FHIT: variants seen among roughly 807,000 people sequenced by gnomAD.
FHIT encodes the protein bis(5'-adenosyl)-triphosphatase.
In FHIT, 19 loss-of-function variants were observed where a neutral mutation model predicts 17.9. The ratio of observed to expected loss-of-function variants is 1.06; its 90% CI spans 0.74 to 1.56. The LOEUF is 1.56. FHIT is among the 40% of genes most tolerant of loss of function. The pLI is 0.00. For synonymous variants in FHIT, 81 were observed against 69.7 expected (o/e 1.16, Z -0.81); for missense variants, 248 against 189.2 (o/e 1.31, Z -1.82).
rs187756974 is a variant in FHIT, at chr3:60,746,332, A to G, written c.-18+75587T>C. Among the ~76,000 whole-genome samples, 51 of 152,342 alleles carry G rather than the reference A, an allele frequency of 3.3e-4. 1 individual carries two copies. The East Asian group carries it at 9.1e-3, about 27-fold the overall frequency. On this transcript the variant is annotated intron_variant, in intron 4 of 9. Coordinates refer to ENST00000492590, the MANE Select transcript of FHIT (RefSeq NM_002012.4). ...TATGATTCAAGATTTGGGAGAGATA[A>G]TTGAAGGAGGTGGGGTGGGAAACGT...
chr3:61,018,224 A>G (rs1481987974), intron 3 of FHIT, among the ~76,000 whole-genome samples: 4 of 152,188 alleles, frequency 2.6e-5, no homozygotes, highest in African/African-American at 9.6e-5. Context: ...GTACTTTAAA[A>G]CATGTCTGTC....
At chr3:61,050,700 A>T (rs2106648103) in intron 2 of FHIT, among the ~76,000 whole-genome samples, 1 of 152,342 alleles carries the variant, frequency 6.6e-6, no homozygotes, top group South Asian at 2.1e-4. Context: ...GATATTGATA[A>T]TTATTAAAGC....
At chr3:60,314,655 A>G (rs1378984310) in intron 5 of FHIT, among the ~76,000 whole-genome samples, 5 of 152,208 alleles carry the variant, frequency 3.3e-5, no homozygotes, top group Middle Eastern at 3.2e-3. Context: ...AAAACTTTCT[A>G]ACTGAGATAT....
At chr3:60,006,136 C>T (rs1575865590) in intron 7 of FHIT, among the ~76,000 whole-genome samples, 2 of 152,126 alleles carry the variant, frequency 1.3e-5, no homozygotes, top group Non-Finnish European at 2.9e-5. Context: ...GCGACTTACT[C>T]GTGATCATCT....
chr3:61,187,135 G>A (rs1171861732), intron 2 of FHIT, among the ~76,000 whole-genome samples: 1 of 152,152 alleles, frequency 6.6e-6, no homozygotes, highest in African/African-American at 2.4e-5. Context: ...CAGTCATGTA[G>A]GTGAGTGCAT....
At chr3:60,647,133 A>G (rs1006869260) in intron 4 of FHIT, among the ~76,000 whole-genome samples, 6 of 152,180 alleles carry the variant, frequency 3.9e-5, no homozygotes, top group Non-Finnish European at 1.5e-5. Context: ...AGCAATGAAC[A>G]CTAGGAAAAC....
chr3:60,013,994 T>G lies in FHIT; in HGVS notation c.249+13A>C, dbSNP rs112732533. 1 of 1,613,084 alleles carries G rather than the reference T, an allele frequency of 6.2e-7. No homozygotes were observed. ...GGGAAGAAAAATCATTTCTGAGAAATCTGTACACTCACCTGCATGGAAAAG... is the reference window on the plus strand; with the variant it reads ...GGGAAGAAAAATCATTTCTGAGAAAGCTGTACACTCACCTGCATGGAAAAG... On this transcript the variant is annotated intron_variant, in intron 6 of 9. Coordinates refer to ENST00000492590, the MANE Select transcript of FHIT (RefSeq NM_002012.4).
chr3:60,329,879 G>C (rs976906026), intron 5 of FHIT, among the ~76,000 whole-genome samples: 2 of 152,122 alleles, frequency 1.3e-5, no homozygotes, highest in African/African-American at 4.8e-5. Context: ...TATTTCTACA[G>C]AACTTTGAAA....
intron 4 of FHIT, among the ~76,000 whole-genome samples, chr3:60,659,503 T>C (rs1377466544): frequency 2.0e-5 from 3 of 152,174 alleles, no homozygotes; most frequent in Non-Finnish European, 2.9e-5. Flanking sequence ...TTCCTTGTCC[T>C]ATCTTCAAGT....
At chr3:61,007,723 C>T (rs2031545073) in intron 3 of FHIT, among the ~76,000 whole-genome samples, 1 of 152,174 alleles carries the variant, frequency 6.6e-6, no homozygotes, top group Non-Finnish European at 1.5e-5. Flanking sequence ...TGTTGATGTT[C>T]CACTCAGATC....
chr3:61,225,322 T>C (rs2039942336), intron 1 of FHIT, among the ~76,000 whole-genome samples: 1 of 152,190 alleles, frequency 6.6e-6, no homozygotes, highest in Admixed American at 6.5e-5. Flanking sequence ...AGCGGCCTCA[T>C]AGAGAAAAAT....
intron 4 of FHIT, among the ~76,000 whole-genome samples, chr3:60,538,042 T>C (rs2107601564): frequency 6.6e-6 from 1 of 152,278 alleles, no homozygotes; most frequent in Non-Finnish European, 1.5e-5. Context: ...GTGATGTCTT[T>C]TTGTATGCTA....
At chr3:60,378,628 A>C (rs1463072123) in intron 5 of FHIT, among the ~76,000 whole-genome samples, 1 of 152,246 alleles carries the variant, frequency 6.6e-6, no homozygotes, top group Non-Finnish European at 1.5e-5. Context: ...AACAACCTAC[A>C]CAGATTTAAC....
intron 5 of FHIT, among the ~76,000 whole-genome samples, chr3:60,175,284 T>C (rs1701617885): frequency 6.6e-6 from 1 of 152,166 alleles, no homozygotes; most frequent in Non-Finnish European, 1.5e-5. Flanking sequence ...CACATATTGC[T>C]ACCTAAAATA....
At chr3:59,982,372 GA>G (rs542579155) in intron 7 of FHIT, among the ~76,000 whole-genome samples, 2,225 of 150,022 alleles carry the variant, frequency 0.015, 43 homozygotes, top group African/African-American at 0.048. Context: ...AATCACAGAA[GA>G]AAAAAAAAAT....
chr3:60,983,335 A>G (rs1457770723), intron 3 of FHIT, among the ~76,000 whole-genome samples: 1 of 152,150 alleles, frequency 6.6e-6, no homozygotes, highest in Non-Finnish European at 1.5e-5. Flanking sequence ...ATACAAGGGT[A>G]TATTTCTGAG....
intron 1 of FHIT, among the ~76,000 whole-genome samples, chr3:61,229,103 T>C (rs1435188982): frequency 6.6e-6 from 1 of 152,126 alleles, no homozygotes; most frequent in Non-Finnish European, 1.5e-5. Flanking sequence ...TATGTCTGTG[T>C]CAAATCCCTG....
intron 5 of FHIT, among the ~76,000 whole-genome samples, chr3:60,255,753 A>T (rs1046668498): frequency 6.6e-6 from 1 of 152,118 alleles, no homozygotes; most frequent in Non-Finnish European, 1.5e-5. Context: ...CCTTAGATGG[A>T]TATCTATAAC....
intron 4 of FHIT, 87 bp downstream of exon 4, chr3:60,821,832 G>C (rs1239187603): frequency 6.6e-6 from 1 of 151,946 alleles, no homozygotes; most frequent in African/African-American, 2.4e-5. Flanking sequence ...CAAGTACATA[G>C]GAACATTACT....
Sources: gnomAD v4.1 joint callset for allele counts (sites outside exome capture counted in the v4.1 genomes callset) on GRCh38, gnomAD v4.1.1 for gene constraint, MANE v1.5 for transcripts, NCBI Gene and HGNC (gene_info 2026-07-23, HGNC 2026-07-21) for gene names.